BAZ1B: variants seen among roughly 807,000 people sequenced by gnomAD.
BAZ1B encodes bromodomain adjacent to zinc finger domain 1B, also known as tyrosine-protein kinase BAZ1B.
BAZ1B carries 22 observed loss-of-function variants against 153.8 expected under a neutral mutation model. The ratio of observed to expected loss-of-function variants is 0.14; its 90% CI spans 0.10 to 0.20. BAZ1B has a LOEUF of 0.20. Among genes scored for constraint, BAZ1B ranks in the 10% least tolerant of loss-of-function variants. BAZ1B has a pLI of 1.00. For missense variants in BAZ1B, 1,325 were observed against 1,799.3 expected, an observed-to-expected ratio of 0.74 and a Z score of 4.77; for synonymous variants, 676 against 633.4, an observed-to-expected ratio of 1.07 and a Z score of -1.01.
At chr7:73,493,060 A>C in intron 4 of BAZ1B, 139 bp from the exon 5 acceptor site, 3 of 859,590 alleles carry the variant, frequency 3.5e-6, no homozygotes, top group Non-Finnish European at 5.1e-6. Flanking sequence ...TAATGTCCTT[A>C]ACTTCAAGGA....
rs1379811182 is a variant in BAZ1B at position 73,477,450 on chromosome 7, A to G, written c.2011T>C (p.Tyr671His). ...GACAGCTTCATTCCCAATTCACCAT[A>G]GTCTTCTGCTATCTCATCTTGTAGG... ...TLLQDEIAED[Y>H]GELGMKLSEI... The change falls in exon 7 of 20, where the codon TAT (tyrosine) becomes CAT (histidine). Residue 671 changes from tyrosine (Y) to histidine (H), a missense_variant. Tyr to His is a moderately conservative substitution (Grantham distance 83). Transcript: ENST00000339594. This position sits in a 1 kb window ranked among gnomAD's most constrained non-coding sequence, Gnocchi z 5.6. The G allele has an allele frequency of 1.2e-6, 2 of 1,614,098 alleles. No homozygotes were observed. The highest frequency in any genetic ancestry group is 2.7e-5 in the African/African-American group (2 of 74,924).
rs144281532 is a variant in BAZ1B, at chr7:73,463,571, C to T, written c.3072-472G>A. The stretch of plus-strand genomic sequence containing the variant: ...CTTCTAAGCTTTTAATGGAAGGATT[C>T]GATCTTCATATTTAGTGAACAAAAC... On this transcript the variant is annotated intron_variant, in intron 11 of 19. Transcript: ENST00000339594. Among the ~76,000 whole-genome samples, 580 of 152,138 alleles carry T rather than the reference C, an allele frequency of 3.8e-3. 4 individuals are homozygous for T. The highest frequency in any genetic ancestry group is 0.014 in the Middle Eastern group (4 of 294).
chr7:73,508,075 G>A (rs1438005775), intron 3 of BAZ1B, among the ~76,000 whole-genome samples: 1 of 152,088 alleles, frequency 6.6e-6, no homozygotes, highest in Non-Finnish European at 1.5e-5. Flanking sequence ...AGAATCACTT[G>A]AACACGGGAG....
intron 11 of BAZ1B, chr7:73,464,152 TAG>T (rs1788492546): frequency 1.0e-6 from 1 of 984,874 alleles, no homozygotes. Flanking sequence ...GGCAATGGTG[TAG>T]AGTATGTACT....
At chr7:73,446,858 C>G (rs1787856615) in intron 16 of BAZ1B, among the ~76,000 whole-genome samples, 1 of 152,152 alleles carries the variant, frequency 6.6e-6, no homozygotes, top group African/African-American at 2.4e-5. Context: ...TGTAACCAGA[C>G]AGAAAAAGTC....
chr7:73,498,440 C>A, intron 4 of BAZ1B, 57 bp downstream of exon 4: 1 of 1,502,520 alleles, frequency 6.7e-7, no homozygotes, highest in South Asian at 1.1e-5. Context: ...AAGATGTGTT[C>A]ATAATAAAAT....
intron 3 of BAZ1B, among the ~76,000 whole-genome samples, chr7:73,501,795 G>C (rs1472695168): frequency 6.6e-6 from 1 of 151,816 alleles, no homozygotes; most frequent in Non-Finnish European, 1.5e-5. Flanking sequence ...GAGCTTTACT[G>C]GATCAACACC....
chr7:73,481,461 G>A (rs1293988640), intron 6 of BAZ1B, among the ~76,000 whole-genome samples: 11 of 148,834 alleles, frequency 7.4e-5, no homozygotes, highest in Admixed American at 2.7e-4. Flanking sequence ...AGCTAGCAGC[G>A]AGCCGAGATG....
chr7:73,512,223 G>A (rs1416381513), intron 1 of BAZ1B, among the ~76,000 whole-genome samples: 3 of 151,484 alleles, frequency 2.0e-5, no homozygotes, highest in African/African-American at 7.3e-5. Flanking sequence ...TGTCCAACCT[G>A]CGGCCCAGGA....
chr7:73,446,403 G>A (rs1787836764), intron 16 of BAZ1B, among the ~76,000 whole-genome samples: 2 of 152,038 alleles, frequency 1.3e-5, no homozygotes, highest in Non-Finnish European at 2.9e-5. Flanking sequence ...TGGCCAACAT[G>A]GTGAAACTCC....
In BAZ1B at chr7:73,477,030, C is replaced by T. The variant is rs140278180; in HGVS notation, c.2431G>A (p.Val811Ile). 2.5e-6 allele frequency: 4 copies of T among 1,614,068 alleles called. No individual in the cohort carries two copies. The highest frequency in any genetic ancestry group is 1.3e-5 in the African/African-American group (1 of 74,930). ...MEAKNKENGKVENGLGKTDRK... is the reference protein window; with the variant it reads ...MEAKNKENGKIENGLGKTDRK... ...TCAGTTTTGCCTAACCCATTCTCAA[C>T]TTTTCCATTTTCTTTATTTTTGGCT... The change falls in exon 7 of 20, where the codon GTT (valine) becomes ATT (isoleucine). Residue 811 changes from valine to isoleucine, a missense_variant. Coordinates refer to ENST00000339594, the MANE Select transcript of BAZ1B (RefSeq NM_032408.4). This position sits in a 1 kb window ranked among gnomAD's most constrained non-coding sequence, Gnocchi z 5.6.
rs548767293 is a variant in BAZ1B, at chr7:73,481,614, A to G, written c.892-3045T>C. ...CGCAGAGGAAAAAAATATGGCCTAC[A>G]CTGAGTAGGATATACTTAACAAATC... On this transcript the variant is annotated intron_variant, in intron 6 of 19. Coordinates refer to ENST00000339594, the MANE Select transcript of BAZ1B (RefSeq NM_032408.4). Among the ~76,000 whole-genome samples, 183 of 152,052 alleles carry G rather than the reference A, an allele frequency of 1.2e-3. 1 individual carries two copies. The highest frequency in any genetic ancestry group is 2.4e-3 in the Admixed American group (36 of 15,292).
At chr7:73,516,140 C>T (rs1790790367) in intron 1 of BAZ1B, among the ~76,000 whole-genome samples, 1 of 151,968 alleles carries the variant, frequency 6.6e-6, no homozygotes, top group Admixed American at 6.6e-5. Flanking sequence ...GAGCGAGACT[C>T]CACTCAAAAG....
intron 12 of BAZ1B, among the ~76,000 whole-genome samples, chr7:73,462,287 G>C (rs536826558): frequency 7.2e-5 from 11 of 152,280 alleles, no homozygotes; most frequent in African/African-American, 2.6e-4. Context: ...AATTTGAAAA[G>C]ACCCACAAAT....
chr7:73,484,835 C>T (rs1473320437), intron 6 of BAZ1B, among the ~76,000 whole-genome samples: 1 of 152,014 alleles, frequency 6.6e-6, no homozygotes, highest in Non-Finnish European at 1.5e-5. Flanking sequence ...TATTTCAAAA[C>T]GTCAAGGTTT....
intron 13 of BAZ1B, among the ~76,000 whole-genome samples, chr7:73,458,145 C>G (rs141567819): frequency 6.6e-6 from 1 of 152,118 alleles, no homozygotes; most frequent in Admixed American, 6.5e-5. Flanking sequence ...AGAATAGTCT[C>G]GTGGGACAGA....
intron 4 of BAZ1B, among the ~76,000 whole-genome samples, chr7:73,493,472 GAAAAGAAA>G (rs1789737643): frequency 6.6e-6 from 1 of 151,672 alleles, no homozygotes; most frequent in African/African-American, 2.4e-5. Flanking sequence ...AAAAAGAAAA[GAAAAGAAA>G]AATACTATGA....
chr7:73,465,167 CT>C lies in BAZ1B; in HGVS notation c.3071+271del, dbSNP rs533307174. ...CCCATCTGGGCCTCCATCTGCAAAG[CT>C]GTCTGACAACCATGAGGCTCACAGC... On this transcript the variant is annotated intron_variant, in intron 11 of 19. Transcript: ENST00000339594. Among the ~76,000 whole-genome samples, 91 of 152,290 alleles carry C rather than the reference CT, an allele frequency of 6.0e-4. 2 individuals are homozygous for C. The highest frequency in any genetic ancestry group is 4.1e-3 in the Admixed American group (62 of 15,290).
intron 6 of BAZ1B, among the ~76,000 whole-genome samples, chr7:73,484,181 G>A (rs1323661839): frequency 2.0e-5 from 3 of 152,096 alleles, no homozygotes; most frequent in African/African-American, 7.2e-5. Context: ...CAGGAGAATC[G>A]CTGGAGCCCA....
Sources: gnomAD v4.1 joint callset for allele counts (sites outside exome capture counted in the v4.1 genomes callset) on GRCh38, gnomAD v4.1.1 for gene constraint, Gnocchi (gnomAD v3.1) non-coding constraint, MANE v1.5 for transcripts, NCBI Gene and HGNC (gene_info 2026-07-23, HGNC 2026-07-21) for gene names.